ST3GAL3: variants seen among roughly 807,000 people sequenced by gnomAD.
ST3GAL3 encodes CMP-N-acetylneuraminate-beta-1,4-galactoside alpha-2,3-sialyltransferase.
A neutral mutation model predicts 50.1 loss-of-function variants in ST3GAL3; 21 were observed. That is an observed-to-expected ratio of 0.42 (90% CI 0.30 to 0.60). The LOEUF is 0.60. Ranked by LOEUF, ST3GAL3 falls within the 20% of genes least tolerant of loss-of-function variation. The probability of loss-of-function intolerance (pLI) is 0.19; values close to 1 mark genes in which losing one functional copy is unlikely to be tolerated. For synonymous variants in ST3GAL3, 183 were observed against 190.0 expected (o/e 0.96, Z 0.30); for missense variants, 353 against 489.4 (o/e 0.72, Z 2.63).
At chr1:43,811,683 G>A (rs1341369667) in intron 3 of ST3GAL3, among the ~76,000 whole-genome samples, 1 of 152,126 alleles carries the variant, frequency 6.6e-6, no homozygotes, top group Non-Finnish European at 1.5e-5. Context: ...CAGCCAGCCC[G>A]CCCATTGCCC....
At chr1:43,930,088 G>A (rs1458058078) in intron 11 of ST3GAL3, 44 bp from the exon 12 acceptor site, 1 of 1,580,738 alleles carries the variant, frequency 6.3e-7, no homozygotes, top group South Asian at 1.1e-5. Context: ...GGGCAGTAAA[G>A]GTTTGAGCAA....
chr1:43,879,953 C>T lies in ST3GAL3; in HGVS notation c.303-14430C>T, dbSNP rs139337034. ...GGGCTGCTTGGCACCACTGCCTTGG[C>T]GACACACAAACACAGCCTTGGCGCT... On this transcript the variant is annotated intron_variant, in intron 5 of 11. Transcript: ENST00000347631. Among the ~76,000 whole-genome samples the T allele has an allele frequency of 2.9e-3, 442 of 152,332 alleles. 3 individuals are homozygous for T. Among genetic ancestry groups the T allele is most frequent in the Non-Finnish European group, 4.6e-3 (310 of 68,028 alleles).
intron 11 of ST3GAL3, among the ~76,000 whole-genome samples, chr1:43,928,877 C>G (rs1221120341): frequency 1.3e-5 from 2 of 152,162 alleles, no homozygotes; most frequent in South Asian, 4.1e-4. Flanking sequence ...CCACTGCACA[C>G]CAGCCTGGGC....
intron 5 of ST3GAL3, among the ~76,000 whole-genome samples, chr1:43,859,221 G>A (rs2154227447): frequency 6.6e-6 from 1 of 152,302 alleles, no homozygotes; most frequent in African/African-American, 2.4e-5. Flanking sequence ...CTGGCCCTGT[G>A]ACATCTTTGT....
At chr1:43,910,392 C>T (rs903461810) in intron 9 of ST3GAL3, among the ~76,000 whole-genome samples, 2 of 152,214 alleles carry the variant, frequency 1.3e-5, no homozygotes, top group Non-Finnish European at 2.9e-5. Flanking sequence ...CAATTCACAT[C>T]TTTGAGTTTC....
intron 2 of ST3GAL3, among the ~76,000 whole-genome samples, chr1:43,749,119 A>G (rs562348658): frequency 6.6e-6 from 1 of 152,338 alleles, no homozygotes; most frequent in East Asian, 1.9e-4. Context: ...AGTCTTTTCA[A>G]TATACTCTGG....
At chr1:43,860,487 A>G (rs2154230509) in intron 5 of ST3GAL3, among the ~76,000 whole-genome samples, 1 of 152,374 alleles carries the variant, frequency 6.6e-6, no homozygotes, top group Admixed American at 6.5e-5. Flanking sequence ...CAGAGACCCC[A>G]GCGTGGCCAA....
intron 5 of ST3GAL3, among the ~76,000 whole-genome samples, chr1:43,871,538 G>A (rs1361009748): frequency 7.5e-5 from 10 of 133,516 alleles, no homozygotes; most frequent in African/African-American, 2.3e-4. Context: ...TGAGGGAGAG[G>A]ATGGGGTGTG....
intron 4 of ST3GAL3, among the ~76,000 whole-genome samples, chr1:43,815,844 G>A (rs1366766931): frequency 2.0e-5 from 3 of 152,082 alleles, no homozygotes; most frequent in African/African-American, 4.8e-5. Flanking sequence ...CAGTATTGGC[G>A]TATGTTTGTC....
rs1336113853 is a variant in ST3GAL3, at chr1:43,754,928, A to AAG, written c.118+18549_118+18550insGA. On this transcript the variant is annotated intron_variant, in intron 2 of 11. Transcript: ENST00000347631. ...GTGATAGAGCAAAACCCTGTCTCAA[A>AAG]AAAAAAAACATAATAAAAGATTATC... 2.0e-5 allele frequency among the ~76,000 whole-genome samples: 3 copies of AAG among 152,022 alleles called. No individual in the cohort carries two copies. The East Asian group carries it at 5.8e-4, about 29-fold the overall frequency.
At chr1:43,772,952 T>C (rs941453980) in intron 2 of ST3GAL3, among the ~76,000 whole-genome samples, 1 of 152,178 alleles carries the variant, frequency 6.6e-6, no homozygotes, top group African/African-American at 2.4e-5. Context: ...TTTCACCATG[T>C]TGGCCAGGAT....
intron 5 of ST3GAL3, chr1:43,858,068 G>A (rs1002355514): frequency 3.3e-5 from 40 of 1,223,218 alleles, no homozygotes; most frequent in Admixed American, 4.6e-5. Context: ...GGTTTTTGAA[G>A]TGAATAGGGC....
At chr1:43,748,686 G>A (rs539570767) in intron 2 of ST3GAL3, among the ~76,000 whole-genome samples, 20 of 152,272 alleles carry the variant, frequency 1.3e-4, no homozygotes, top group Admixed American at 3.3e-4. Context: ...GCCTCCCAAA[G>A]TGTTGAGATT....
intron 5 of ST3GAL3, among the ~76,000 whole-genome samples, chr1:43,874,125 G>A (rs1028183759): frequency 6.6e-6 from 1 of 152,206 alleles, no homozygotes; most frequent in Non-Finnish European, 1.5e-5. Flanking sequence ...CAGGATGATT[G>A]TATAAGTTAC....
intron 5 of ST3GAL3, among the ~76,000 whole-genome samples, chr1:43,886,389 A>G (rs2075990213): frequency 6.6e-6 from 1 of 152,208 alleles, no homozygotes. Context: ...CTAAAAATAA[A>G]TAAGAAATGA....
At chr1:43,829,257 C>G (rs953755255) in intron 4 of ST3GAL3, among the ~76,000 whole-genome samples, 2 of 152,096 alleles carry the variant, frequency 1.3e-5, no homozygotes, top group Admixed American at 6.5e-5. Context: ...TTTCTTTGTT[C>G]ATAAAATGGG....
intron 5 of ST3GAL3, among the ~76,000 whole-genome samples, chr1:43,890,556 C>G (rs999778855): frequency 1.2e-4 from 19 of 152,148 alleles, no homozygotes; most frequent in Admixed American, 1.0e-3. Flanking sequence ...AGCCAAAGGC[C>G]TGATAAAAGA....
chr1:43,898,202 C>G (rs751726595), intron 6 of ST3GAL3, 33 bp from the exon 7 acceptor site: 2 of 1,610,290 alleles, frequency 1.2e-6, no homozygotes, highest in African/African-American at 2.7e-5. Context: ...GGTAAGTGAC[C>G]CTGTAACAGA....
At chr1:43,858,145 A>C (rs1403500810) in intron 5 of ST3GAL3, 5 of 1,289,286 alleles carry the variant, frequency 3.9e-6, no homozygotes. Flanking sequence ...AGCTAAGAGA[A>C]ATGGTGCATG....
Sources: gnomAD v4.1 joint callset for allele counts (sites outside exome capture counted in the v4.1 genomes callset) on GRCh38, gnomAD v4.1.1 for gene constraint, MANE v1.5 for transcripts, NCBI Gene and HGNC (gene_info 2026-07-23, HGNC 2026-07-21) for gene names.